NSD1: variants seen among roughly 807,000 people sequenced by gnomAD.
The protein encoded by NSD1 is histone-lysine N-methyltransferase, H3 lysine-36 specific.
NSD1 carries 26 observed loss-of-function variants against 242.7 expected under a neutral mutation model. The ratio of observed to expected loss-of-function variants is 0.11; its 90% CI spans 0.08 to 0.15. The LOEUF (loss-of-function observed/expected upper bound fraction) is 0.15. Ranked by LOEUF, NSD1 falls within the 10% of genes least tolerant of loss-of-function variation. NSD1 has a pLI of 1.00. For missense variants in NSD1, 2,495 were observed against 3,272.8 expected (o/e 0.76, Z 5.80); for synonymous variants, 1,106 against 1,178.1 (o/e 0.94, Z 1.25).
chr5:177,224,915 G>C (rs752086003), intron 5 of NSD1, among the ~76,000 whole-genome samples: 2 of 151,536 alleles, frequency 1.3e-5, no homozygotes, highest in Admixed American at 6.6e-5. Flanking sequence ...AGACAATTTT[G>C]CGTTTCCCCC....
chr5:177,267,678 C>T lies in NSD1; in HGVS notation c.5263C>T (p.His1755Tyr), dbSNP rs1338447914. 6.2e-7 allele frequency: 1 copy of T among 1,614,048 alleles called. No individual in the cohort carries two copies. Among genetic ancestry groups the T allele is most frequent in the Non-Finnish European group, 8.5e-7 (1 of 1,179,986 alleles). The change falls in exon 15 of 23, where the codon CAC becomes TAC. Residue 1755 changes from histidine (H) to tyrosine (Y), a missense_variant. Around this residue, in one of 19 missense-constraint regions of NSD1, gnomAD observed 25 missense variants for 49.7 expected, o/e 0.50. Transcript: ENST00000439151. Reference protein sequence around the residue: ...CNDCKAGKKPHYREIVWVKVG... With the variant: ...CNDCKAGKKPYYREIVWVKVG... ...TGACTGTAAAGCAGGCAAAAAGCCA[C>T]ACTACAGGGAGATTGTCTGGGTAAA...
At position 177,210,178 on chromosome 5, in the gene NSD1, G is replaced by C. The variant is rs199804112; in HGVS notation, c.1779G>C (p.Leu593Phe). ...ETSNGDSLLGLPEGALISKCS... is the reference protein window; with the variant it reads ...ETSNGDSLLGFPEGALISKCS... ...CAAATGGTGACTCTTTATTGGGCTT[G>C]CCTGAGGGTGCTTTGATCTCAAAGT... is the stretch of plus-strand genomic sequence containing the variant. The change falls in exon 5 of 23, where the codon TTG (leucine) becomes TTC (phenylalanine). Residue 593 changes from leucine to phenylalanine, a missense_variant. Leu to Phe is a conservative substitution (Grantham distance 22, BLOSUM62 0). Coordinates refer to ENST00000439151, the MANE Select transcript of NSD1 (RefSeq NM_022455.5). 6.2e-7 allele frequency: 1 copy of C among 1,604,100 alleles called. No homozygotes were observed. Among genetic ancestry groups the C allele is most frequent in the East Asian group, 2.2e-5 (1 of 44,760 alleles).
At chr5:177,249,553 G>A (rs538947955) in intron 11 of NSD1, among the ~76,000 whole-genome samples, 4 of 152,112 alleles carry the variant, frequency 2.6e-5, no homozygotes, top group East Asian at 1.9e-4. Context: ...TGCAAGCTCC[G>A]CCTCCTGGGT....
chr5:177,262,667 T>C (rs1374525315), intron 14 of NSD1, among the ~76,000 whole-genome samples: 3 of 152,102 alleles, frequency 2.0e-5, no homozygotes, highest in Non-Finnish European at 4.4e-5. Flanking sequence ...TCACCTGAGG[T>C]CAGGAGTTCG....
intron 5 of NSD1, among the ~76,000 whole-genome samples, chr5:177,217,475 T>C (rs1422488875): frequency 6.6e-6 from 1 of 152,180 alleles, no homozygotes; most frequent in African/African-American, 2.4e-5. Flanking sequence ...CTAATTACTC[T>C]GCTAGGACTT....
At chr5:177,177,921 A>T (rs983614064) in intron 2 of NSD1, among the ~76,000 whole-genome samples, 9 of 152,112 alleles carry the variant, frequency 5.9e-5, no homozygotes, top group Non-Finnish European at 1.3e-4. Flanking sequence ...TTGAGATAGA[A>T]TCTTGCTCTG....
chr5:177,210,329 G>A lies in NSD1; in HGVS notation c.1930G>A (p.Asp644Asn), dbSNP rs746114114. 1.2e-6 allele frequency: 2 copies of A among 1,614,000 alleles called. No individual in the cohort carries two copies. The highest frequency in any genetic ancestry group is 1.7e-6 in the Non-Finnish European group (2 of 1,179,982). ...CATTAGTATCTGTACCACTTCTGAT[G>A]ATGGAAGCAGTGACCTGGATCCCAT... ...DSISICTTSD[D>N]GSSDLDPIEH... Residue 644 changes from aspartate to asparagine, a missense_variant, in exon 5 of 23, where the codon GAT becomes AAT. Coordinates refer to ENST00000439151, the MANE Select transcript of NSD1 (RefSeq NM_022455.5).
chr5:177,134,708 C>A lies in NSD1; in HGVS notation c.-17-379C>A, dbSNP rs1191669931. 6.6e-6 allele frequency among the ~76,000 whole-genome samples: 1 copy of A among 152,198 alleles called. No individual in the cohort carries two copies. Among genetic ancestry groups the A allele is most frequent in the African/African-American group, 2.4e-5 (1 of 41,452 alleles). Reference sequence around the variant, plus strand: ...GGGTCCAGGAGCCCCCCTCGGACCCCGCAGCCTTTTGCTTTTGAGAGATCC... The same window carrying A: ...GGGTCCAGGAGCCCCCCTCGGACCCAGCAGCCTTTTGCTTTTGAGAGATCC... On this transcript the variant is annotated intron_variant, in intron 1 of 22. Transcript: ENST00000439151. The surrounding 1 kb of genome is among the most constrained non-coding windows in gnomAD (Gnocchi z 4.2).
At chr5:177,149,269 A>AGTG (rs1757509717) in intron 2 of NSD1, among the ~76,000 whole-genome samples, 1 of 151,216 alleles carries the variant, frequency 6.6e-6, no homozygotes, top group African/African-American at 2.4e-5. Context: ...CCCAGACTGG[A>AGTG]GTGCAGTGAT....
intron 2 of NSD1, among the ~76,000 whole-genome samples, chr5:177,159,526 C>T (rs764758186): frequency 3.3e-4 from 50 of 151,876 alleles, no homozygotes; most frequent in African/African-American, 8.4e-4. Flanking sequence ...TCAGGTGAAC[C>T]GCCCACCTAA....
At chr5:177,185,698 TATA>T (rs1463942066) in intron 2 of NSD1, among the ~76,000 whole-genome samples, 112 of 116,226 alleles carry the variant, frequency 9.6e-4, no homozygotes, top group African/African-American at 2.7e-3. Flanking sequence ...TGTTTTTTAT[TATA>T]ATATATATAC....
chr5:177,137,091 ATT>A, intron 2 of NSD1: 1 of 408,748 alleles, frequency 2.4e-6, no homozygotes, highest in Non-Finnish European at 4.3e-6. Context: ...AAATGATAAC[ATT>A]TGTTTTTATT....
At chr5:177,263,885 A>G (rs948067739) in intron 14 of NSD1, among the ~76,000 whole-genome samples, 4 of 152,160 alleles carry the variant, frequency 2.6e-5, no homozygotes, top group African/African-American at 9.7e-5. Flanking sequence ...TGAAAATTAA[A>G]ATTTTCGTAA....
chr5:177,257,259 C>A, intron 13 of NSD1, 108 bp downstream of exon 13: 1 of 943,978 alleles, frequency 1.1e-6, no homozygotes, highest in Admixed American at 2.6e-5. Flanking sequence ...GAGACAGAGT[C>A]TCGCTGTGTT....
At chr5:177,185,664 TTA>T (rs199987269) in intron 2 of NSD1, among the ~76,000 whole-genome samples, 1,663 of 122,888 alleles carry the variant, frequency 0.014, 33 homozygotes, top group African/African-American at 0.042. Context: ...CAAATATATA[TTA>T]TATATATATA....
At chr5:177,223,161 A>G (rs1361123490) in intron 5 of NSD1, among the ~76,000 whole-genome samples, 1 of 150,162 alleles carries the variant, frequency 6.7e-6, no homozygotes, top group Non-Finnish European at 1.5e-5. Context: ...GGCTCACTGC[A>G]ACGTCTGCCT....
chr5:177,238,249 T>G lies in NSD1; in HGVS notation c.3934T>G (p.Cys1312Gly). 1 of 1,614,212 alleles carries G rather than the reference T, an allele frequency of 6.2e-7. No homozygotes were observed. The highest frequency in any genetic ancestry group is 8.5e-7 in the Non-Finnish European group (1 of 1,180,038). The change falls in exon 7 of 23, where the codon TGT becomes GGT. Residue 1312 changes from cysteine to glycine, a missense_variant. Cys to Gly is a radical substitution (Grantham distance 159). Coordinates refer to ENST00000439151, the MANE Select transcript of NSD1 (RefSeq NM_022455.5). The surrounding 1 kb of genome is among the most constrained non-coding windows in gnomAD (Gnocchi z 4.6). ...TTTTTGTTCTTAGGTAAGTTCCCGCTGTGAAGAGGAAAGCCTTCTAGCCCG... is the reference window on the plus strand; with the variant it reads ...TTTTTGTTCTTAGGTAAGTTCCCGCGGTGAAGAGGAAAGCCTTCTAGCCCG... ...QEQVHKVSSRCEEESLLARGR... is the reference protein window; with the variant it reads ...QEQVHKVSSRGEEESLLARGR...
Position 177,198,207 on chromosome 5 carries a change from G to A in NSD1, c.1064-5913G>A, listed in dbSNP as rs1762247332. 1.3e-5 allele frequency among the ~76,000 whole-genome samples: 2 copies of A among 151,994 alleles called. 1 individual carries two copies. The highest frequency in any genetic ancestry group is 1.3e-4 in the Admixed American group (2 of 15,236). Reference sequence around the variant, plus strand: ...CACTTGGCTAATTTTTATATTTTTTGTAGAGACAAGATCTCCCTATGTTGC... The same window carrying A: ...CACTTGGCTAATTTTTATATTTTTTATAGAGACAAGATCTCCCTATGTTGC... On this transcript the variant is annotated intron_variant, in intron 3 of 22. Transcript: ENST00000439151.
At chr5:177,257,229 T>A in intron 13 of NSD1, 78 bp downstream of exon 13, 50 of 188,354 alleles carry the variant, frequency 2.7e-4, no homozygotes, top group Middle Eastern at 8.7e-4. Flanking sequence ...TTTTTCTTTC[T>A]TTTTTTTTTT....
Sources: allele counts gnomAD v4.1 joint callset (sites outside exome capture counted in the v4.1 genomes callset), GRCh38; gene constraint gnomAD v4.1.1; regional missense constraint gnomAD v4.1.1; non-coding constraint Gnocchi (gnomAD v3.1); transcripts MANE v1.5; gene names NCBI Gene and HGNC (gene_info 2026-07-23, HGNC 2026-07-21).